NPAS3: variants seen among roughly 807,000 people sequenced by gnomAD.
NPAS3 encodes the protein neuronal PAS domain-containing protein 3.
Under a neutral mutation model 73.1 loss-of-function variants are expected in NPAS3, and 14 were observed. The observed-to-expected ratio is 0.19, with a 90% CI of 0.13 to 0.30. The LOEUF (loss-of-function observed/expected upper bound fraction) is 0.30, where lower values mean the gene tolerates loss of function less well. Ranked by LOEUF, NPAS3 falls within the 10% of genes least tolerant of loss-of-function variation. The pLI, the probability that NPAS3 is intolerant of heterozygous loss-of-function variation, is 1.00. For synonymous variants in NPAS3, 620 were observed against 541.5 expected, an observed-to-expected ratio of 1.14 and a Z score of -2.01; for missense variants, 1,096 against 1,250.0, an observed-to-expected ratio of 0.88 and a Z score of 1.86.
At chr14:33,619,685 A>G (rs1361272805) in intron 5 of NPAS3, among the ~76,000 whole-genome samples, 1 of 152,222 alleles carries the variant, frequency 6.6e-6, no homozygotes, top group Non-Finnish European at 1.5e-5. Flanking sequence ...AGGGGATGTT[A>G]TTTTAAATCC....
At chr14:33,507,784 G>A (rs1181049917) in intron 4 of NPAS3, among the ~76,000 whole-genome samples, 2 of 151,952 alleles carry the variant, frequency 1.3e-5, no homozygotes, top group Admixed American at 1.3e-4. Context: ...TGACAATGCT[G>A]TTCTCTTTTA....
At chr14:33,049,658 C>T (rs551059953) in intron 1 of NPAS3, among the ~76,000 whole-genome samples, 2 of 152,142 alleles carry the variant, frequency 1.3e-5, no homozygotes, top group Non-Finnish European at 2.9e-5. Flanking sequence ...ATAGGAGCTA[C>T]AAGATGAGAT....
intron 5 of NPAS3, among the ~76,000 whole-genome samples, chr14:33,660,681 G>A (rs1423518910): frequency 6.6e-6 from 1 of 152,184 alleles, no homozygotes; most frequent in Non-Finnish European, 1.5e-5. Flanking sequence ...CAACAGGCAG[G>A]TACACTGATG....
At chr14:33,097,385 G>A (rs2042453328) in intron 2 of NPAS3, among the ~76,000 whole-genome samples, 1 of 152,130 alleles carries the variant, frequency 6.6e-6, no homozygotes. Flanking sequence ...ATTGTTGTTT[G>A]TTCAGTCTCA....
chr14:33,452,931 G>A (rs1183091461), intron 4 of NPAS3, among the ~76,000 whole-genome samples: 1 of 152,024 alleles, frequency 6.6e-6, no homozygotes, highest in South Asian at 2.1e-4. Flanking sequence ...ATTATGCTTG[G>A]GTAAGCATGG....
intron 3 of NPAS3, among the ~76,000 whole-genome samples, chr14:33,294,957 G>A (rs1010396963): frequency 1.3e-5 from 2 of 152,220 alleles, no homozygotes; most frequent in East Asian, 3.9e-4. Flanking sequence ...GTGATGCTGT[G>A]GTGTTCGGGA....
chr14:33,438,897 G>A (rs1421681018), intron 4 of NPAS3, among the ~76,000 whole-genome samples: 2 of 152,114 alleles, frequency 1.3e-5, no homozygotes, highest in African/African-American at 2.4e-5. Flanking sequence ...TCTCCGACAA[G>A]CAATGGATTT....
intron 4 of NPAS3, among the ~76,000 whole-genome samples, chr14:33,436,527 G>C (rs1259935677): frequency 6.6e-6 from 1 of 152,112 alleles, no homozygotes; most frequent in East Asian, 1.9e-4. Flanking sequence ...CCCCAAATCT[G>C]TTGTCTTTAT....
At chr14:33,632,126 T>C (rs1313949360) in intron 5 of NPAS3, among the ~76,000 whole-genome samples, 1 of 152,204 alleles carries the variant, frequency 6.6e-6, no homozygotes, top group Non-Finnish European at 1.5e-5. Context: ...AACTGATAAC[T>C]AGCAGAAGAA....
At chr14:33,739,901 C>T (rs58061813) in intron 7 of NPAS3, among the ~76,000 whole-genome samples, 1 of 152,164 alleles carries the variant, frequency 6.6e-6, no homozygotes, top group Non-Finnish European at 1.5e-5. Flanking sequence ...CTATACCTTT[C>T]TGCCACACTT....
intron 5 of NPAS3, among the ~76,000 whole-genome samples, chr14:33,610,737 C>G (rs535336737): frequency 2.0e-5 from 3 of 152,300 alleles, no homozygotes; most frequent in Non-Finnish European, 4.4e-5. Flanking sequence ...TCAAACTTAA[C>G]TTCATTTGAT....
chr14:33,750,544 G>C (rs1566498198), intron 7 of NPAS3, among the ~76,000 whole-genome samples: 1 of 152,130 alleles, frequency 6.6e-6, no homozygotes, highest in East Asian at 1.9e-4. Context: ...ATAGTGGAAA[G>C]TTTTTTGAAA....
rs556120504 is a variant in NPAS3 at position 33,067,652 on chromosome 14, C to T, written c.140+11658C>T. 2.5e-4 allele frequency among the ~76,000 whole-genome samples: 38 copies of T among 152,250 alleles called. No homozygotes were observed. In the South Asian group the frequency reaches 5.8e-3, roughly 23 times the overall value. On this transcript the variant is annotated intron_variant, in intron 2 of 11. Transcript: ENST00000356141. ...TTTGTCTGTTTTACATGGAGAAAAA[C>T]AAAAACAAGCCCTTGTATTACAGAG...
At chr14:32,935,611 G>A (rs1309009741), upstream of NPAS3, among the ~76,000 whole-genome samples, 1 of 152,172 alleles carries the variant, frequency 6.6e-6, no homozygotes, top group African/African-American at 2.4e-5. Context: ...ATACAAGTTA[G>A]GAAGCAAATT....
chr14:33,088,617 A>G (rs773784870), intron 2 of NPAS3, among the ~76,000 whole-genome samples: 5 of 152,228 alleles, frequency 3.3e-5, no homozygotes, highest in Admixed American at 6.5e-5. Context: ...TAGCCAAACA[A>G]AAGGCAGCAG....
rs148980153 is a variant in NPAS3 at position 33,177,251 on chromosome 14, C to T, written c.141-37931C>T. Reference sequence around the variant, plus strand: ...AGCTGGGACCACAGATGCCTGCCACCATGTCCGGCTAATTTTTTGTATTTT... The same window carrying T: ...AGCTGGGACCACAGATGCCTGCCACTATGTCCGGCTAATTTTTTGTATTTT... On this transcript the variant is annotated intron_variant, in intron 2 of 11. Transcript: ENST00000356141. Among the ~76,000 whole-genome samples the T allele has an allele frequency of 9.6e-3, 1,452 of 151,892 alleles. 21 individuals carry two copies. The highest frequency in any genetic ancestry group is 0.033 in the African/African-American group (1,376 of 41,464).
chr14:33,774,617 C>A (rs1287427846), intron 8 of NPAS3, 87 bp downstream of exon 8: 4 of 1,037,218 alleles, frequency 3.9e-6, no homozygotes, highest in Non-Finnish European at 5.8e-6. Context: ...TGGTACTCTC[C>A]CAGTGAGGTT....
At chr14:33,030,471 A>T (rs963211083) in intron 1 of NPAS3, among the ~76,000 whole-genome samples, 4 of 152,126 alleles carry the variant, frequency 2.6e-5, no homozygotes, top group African/African-American at 9.7e-5. Flanking sequence ...TTATTCCCCA[A>T]AGATTTGTTT....
intron 5 of NPAS3, among the ~76,000 whole-genome samples, chr14:33,583,016 T>A (rs949749314): frequency 6.9e-6 from 1 of 145,690 alleles, no homozygotes; most frequent in Non-Finnish European, 1.5e-5. Context: ...CTAGAAGATA[T>A]GCTGTAGTGA....
Sources: allele counts gnomAD v4.1 joint callset (sites outside exome capture counted in the v4.1 genomes callset), GRCh38; gene constraint gnomAD v4.1.1; transcripts MANE v1.5; gene names NCBI Gene and HGNC (gene_info 2026-07-23, HGNC 2026-07-21).